Variants in NUDT3 observed in about 807,000 individuals in gnomAD.
NUDT3 encodes the protein nudix hydrolase 3.
A neutral mutation model predicts 23.6 loss-of-function variants in NUDT3; 9 were observed. The observed-to-expected ratio is 0.38, with a 90% CI of 0.23 to 0.66. The LOEUF (loss-of-function observed/expected upper bound fraction) is 0.66. Among genes scored for constraint, NUDT3 ranks in the 30% least tolerant of loss-of-function variants. The pLI is 0.52. For missense variants in NUDT3, 172 were observed against 218.5 expected (o/e 0.79, Z 1.34); for synonymous variants, 86 against 82.6 (o/e 1.04, Z -0.22).
chr6:34,353,705 T>C (rs780451690), intron 1 of NUDT3, among the ~76,000 whole-genome samples: 13 of 151,510 alleles, frequency 8.6e-5, no homozygotes, highest in Non-Finnish European at 1.9e-4. Context: ...CCAGCCTTGC[T>C]TTTGTTTTTG....
intron 1 of NUDT3, among the ~76,000 whole-genome samples, chr6:34,375,073 G>C (rs111616749): frequency 3.0e-4 from 45 of 152,234 alleles, no homozygotes; most frequent in African/African-American, 1.0e-3. Context: ...TCGGCCGGGC[G>C]CTGTGGCTCA....
Position 34,295,650 on chromosome 6 carries a change from T to C in NUDT3, c.246A>G (p.Gly82=). ...ATTTTAACAGACTTACCTCAAAAATTCCAACTAATCTTCCCAATGTCCCTT... is the reference window on the plus strand; with the variant it reads ...ATTTTAACAGACTTACCTCAAAAATCCCAACTAATCTTCCCAATGTCCCTT... ...GVKGTLGRLV[G]IFENQERKHR... Residue 82 remains glycine, a synonymous_variant, in exon 3 of 5, where the codon GGA becomes GGG. Coordinates refer to ENST00000607016, the MANE Select transcript of NUDT3 (RefSeq NM_006703.4). 1.2e-6 allele frequency: 2 copies of C among 1,614,016 alleles called. No homozygotes were observed. The highest frequency in any genetic ancestry group is 1.7e-6 in the Non-Finnish European group (2 of 1,179,956).
At chr6:34,322,541 TA>T (rs1338243587) in intron 2 of NUDT3, among the ~76,000 whole-genome samples, 1 of 152,172 alleles carries the variant, frequency 6.6e-6, no homozygotes, top group Non-Finnish European at 1.5e-5. Context: ...TGGACTCTTA[TA>T]AAACAGTCAG....
intron 1 of NUDT3, among the ~76,000 whole-genome samples, chr6:34,370,894 A>C (rs531761391): frequency 4.6e-5 from 7 of 150,970 alleles, no homozygotes; most frequent in African/African-American, 1.7e-4. Context: ...ACCTGAGGTC[A>C]GGAGTTCAAG....
In NUDT3 at chr6:34,381,313, G is replaced by A. The variant is rs181059671; in HGVS notation, c.99+10951C>T. 1.6e-3 allele frequency among the ~76,000 whole-genome samples: 239 copies of A among 152,102 alleles called. 1 individual carries two copies. The highest frequency in any genetic ancestry group is 5.3e-3 in the African/African-American group (222 of 41,500). On this transcript the variant is annotated intron_variant, in intron 1 of 4. Transcript: ENST00000607016. ...ATTGCAGGTGTGAGTCACTGCACCC[G>A]GCCTAAATTGCATCTTGCCAGTAGA...
intron 1 of NUDT3, among the ~76,000 whole-genome samples, chr6:34,343,078 G>T (rs1764311855): frequency 2.6e-5 from 4 of 152,220 alleles, no homozygotes; most frequent in African/African-American, 9.6e-5. Context: ...GGAAATCCAT[G>T]AATCCATACT....
intron 2 of NUDT3, among the ~76,000 whole-genome samples, chr6:34,329,172 C>G (rs55763242): frequency 0.096 from 14,638 of 152,066 alleles, 795 homozygotes; most frequent in Non-Finnish European, 0.12. Flanking sequence ...CCATATGGAG[C>G]CTTCTGGTTG....
intron 2 of NUDT3, among the ~76,000 whole-genome samples, chr6:34,304,775 C>T (rs1487647573): frequency 1.3e-5 from 2 of 151,558 alleles, no homozygotes; most frequent in African/African-American, 4.8e-5. Context: ...ATCCTCCCAC[C>T]TCAGCCTCCT....
chr6:34,381,648 C>T (rs1049458565), intron 1 of NUDT3, among the ~76,000 whole-genome samples: 2 of 152,142 alleles, frequency 1.3e-5, no homozygotes. Context: ...AACTGCAAAG[C>T]CTCCTAGGAA....
chr6:34,288,314 G>A lies in NUDT3; in HGVS notation c.*439C>T, dbSNP rs1477683672. 1 of 157,554 alleles carries A rather than the reference G, an allele frequency of 6.3e-6. No homozygotes were observed. Among genetic ancestry groups the A allele is most frequent in the Non-Finnish European group, 1.4e-5 (1 of 71,914 alleles). 9.8% of individuals were successfully genotyped at this position (157,554 alleles called of 1,614,324 possible). ...GTGAAAGTGACCACTCTACTGAACTGTACAGCACATTATAGGACAAATTAT... is the reference window on the plus strand; with the variant it reads ...GTGAAAGTGACCACTCTACTGAACTATACAGCACATTATAGGACAAATTAT... On this transcript the variant is annotated 3_prime_UTR_variant, in exon 5 of 5. Transcript: ENST00000607016.
chr6:34,304,874 A>T, intron 2 of NUDT3, among the ~76,000 whole-genome samples: 1 of 143,130 alleles, frequency 7.0e-6, no homozygotes, highest in Non-Finnish European at 1.5e-5. Flanking sequence ...GTCTCACTAT[A>T]TTGCCCAGGT....
At chr6:34,345,662 C>CAAA (rs569837635) in intron 1 of NUDT3, among the ~76,000 whole-genome samples, 2 of 66,652 alleles carry the variant, frequency 3.0e-5, no homozygotes, top group Admixed American at 1.4e-4. Flanking sequence ...GACTCCGTCC[C>CAAA]AAAAAAAAAA....
intron 1 of NUDT3, among the ~76,000 whole-genome samples, chr6:34,359,232 G>A (rs535044276): frequency 2.0e-5 from 3 of 152,248 alleles, no homozygotes; most frequent in East Asian, 3.9e-4. Context: ...AATTAGCCGG[G>A]TGTGGTGGCG....
At position 34,327,357 on chromosome 6, in the gene NUDT3, T is replaced by G. The variant is rs191747463; in HGVS notation, c.210+14505A>C. 2.0e-5 allele frequency among the ~76,000 whole-genome samples: 3 copies of G among 151,852 alleles called. No homozygotes were observed. The East Asian group carries it at 5.8e-4, about 30-fold the overall frequency. ...CATCCTGGCCAACATGGTGAAACCC[T>G]GTCTCTACTAAAAATACAAAAAATT... On this transcript the variant is annotated intron_variant, in intron 2 of 4. Coordinates refer to ENST00000607016, the MANE Select transcript of NUDT3 (RefSeq NM_006703.4).
At chr6:34,329,406 G>A (rs1434616522) in intron 2 of NUDT3, among the ~76,000 whole-genome samples, 2 of 151,996 alleles carry the variant, frequency 1.3e-5, no homozygotes, top group African/African-American at 2.4e-5. Flanking sequence ...TCAGCCTCCC[G>A]AGTAGCTGGG....
intron 1 of NUDT3, among the ~76,000 whole-genome samples, chr6:34,390,230 G>C (rs182908143): frequency 6.6e-6 from 1 of 150,466 alleles, no homozygotes; most frequent in Non-Finnish European, 1.5e-5. Flanking sequence ...GGAGGCAGAG[G>C]TTGCAGTGAG....
At chr6:34,321,348 G>A (rs944442051) in intron 2 of NUDT3, among the ~76,000 whole-genome samples, 2 of 152,062 alleles carry the variant, frequency 1.3e-5, no homozygotes, top group African/African-American at 4.8e-5. Context: ...TGAGACAGGA[G>A]AATCGCTTGA....
At chr6:34,354,840 CTTATA>C (rs1247864582) in intron 1 of NUDT3, among the ~76,000 whole-genome samples, 1 of 144,514 alleles carries the variant, frequency 6.9e-6, no homozygotes. Flanking sequence ...TATTTGTATA[CTTATA>C]TTTTATTTTA....
At chr6:34,336,662 T>TCC (rs141545969) in intron 2 of NUDT3, among the ~76,000 whole-genome samples, 1 of 152,194 alleles carries the variant, frequency 6.6e-6, no homozygotes, top group Non-Finnish European at 1.5e-5. Context: ...CTAAAGTGCT[T>TCC]CCCCCTGTGT....
Sources: gnomAD v4.1 joint callset for allele counts (sites outside exome capture counted in the v4.1 genomes callset) on GRCh38, gnomAD v4.1.1 for gene constraint, MANE v1.5 for transcripts, NCBI Gene and HGNC (gene_info 2026-07-23, HGNC 2026-07-21) for gene names.